The following DCDC1 variants were observed in gnomAD, a reference collection of about 807,000 sequenced individuals.
DCDC1 encodes doublecortin domain-containing protein 1.
Under a neutral mutation model 178.3 loss-of-function variants are expected in DCDC1, and 200 were observed. The ratio of observed to expected loss-of-function variants is 1.12; its 90% CI spans 1.00 to 1.26. DCDC1 has a LOEUF of 1.26. Among genes scored for constraint, DCDC1 ranks in the 50% most tolerant of loss-of-function variants. The probability of loss-of-function intolerance (pLI) is 0.00; values close to 1 mark genes in which losing one functional copy is unlikely to be tolerated. For missense variants in DCDC1, 1,983 were observed against 1,749.2 expected (o/e 1.13, Z -2.38); for synonymous variants, 690 against 604.8 (o/e 1.14, Z -2.07).
intron 2 of DCDC1, among the ~76,000 whole-genome samples, 169 bp downstream of exon 2, chr11:31,335,278 A>T (rs1012297530): frequency 2.0e-5 from 3 of 152,152 alleles, no homozygotes; most frequent in African/African-American, 7.2e-5. Context: ...TTTGGGCTGG[A>T]GCACCCTATT....
intron 20 of DCDC1, among the ~76,000 whole-genome samples, chr11:31,022,681 GT>G (rs1399908705): frequency 2.0e-5 from 3 of 148,548 alleles, no homozygotes; most frequent in African/African-American, 7.6e-5. Context: ...GTGTGTGTGT[GT>G]GTGTGGTATG....
At chr11:31,143,869 C>A (rs1964140539) in intron 9 of DCDC1, among the ~76,000 whole-genome samples, 1 of 152,128 alleles carries the variant, frequency 6.6e-6, no homozygotes, top group African/African-American at 2.4e-5. Flanking sequence ...TTAATGCAGC[C>A]CAAGCTTCCA....
intron 10 of DCDC1, among the ~76,000 whole-genome samples, chr11:31,128,804 T>C (rs1249883452): frequency 6.6e-6 from 1 of 152,164 alleles, no homozygotes; most frequent in East Asian, 1.9e-4. Flanking sequence ...AAGTGGCCAA[T>C]GTACTGGTAT....
At chr11:31,185,971 C>T (rs1432685371) in intron 9 of DCDC1, among the ~76,000 whole-genome samples, 1 of 152,248 alleles carries the variant, frequency 6.6e-6, no homozygotes, top group African/African-American at 2.4e-5. Context: ...CTAATATGCC[C>T]TTCATTTTCT....
intron 20 of DCDC1, among the ~76,000 whole-genome samples, chr11:30,954,988 A>G (rs537302531): frequency 6.6e-5 from 10 of 152,356 alleles, no homozygotes; most frequent in Admixed American, 5.2e-4. Flanking sequence ...AATTCAGACA[A>G]CATATTTGAG....
chr11:30,900,506 A>G lies in DCDC1; in HGVS notation c.4511-8T>C. The G allele has an allele frequency of 1.3e-6, 2 of 1,524,228 alleles. No homozygotes were observed. Among genetic ancestry groups the G allele is most frequent in the East Asian group, 2.4e-5 (1 of 42,180 alleles). 94.4% of individuals were successfully genotyped at this position (1,524,228 alleles called of 1,614,324 possible). The stretch of plus-strand genomic sequence containing the variant: ...CTTTCATTCTTGGATTTTCTGGTGG[A>G]AAAAATGACACATTTATCATTGTTC... On this transcript the variant is annotated splice_region_variant and splice_polypyrimidine_tract_variant and intron_variant, in intron 32 of 38. Coordinates refer to ENST00000684477, the MANE Select transcript of DCDC1 (RefSeq NM_001387274.1).
intron 18 of DCDC1, among the ~76,000 whole-genome samples, chr11:31,070,149 T>C (rs1956467803): frequency 6.6e-6 from 1 of 152,192 alleles, no homozygotes; most frequent in Non-Finnish European, 1.5e-5. Context: ...AATACTTTAA[T>C]ACCACAGTTA....
chr11:31,135,578 C>T (rs771257574), intron 10 of DCDC1, among the ~76,000 whole-genome samples: 4 of 152,120 alleles, frequency 2.6e-5, no homozygotes, highest in East Asian at 1.9e-4. Context: ...AGTAATCACA[C>T]AGAAATTATC....
At chr11:31,247,027 C>T (rs1462517103) in intron 8 of DCDC1, among the ~76,000 whole-genome samples, 1 of 151,996 alleles carries the variant, frequency 6.6e-6, no homozygotes, top group South Asian at 2.1e-4. Context: ...GTGGGGTCTA[C>T]AGTGTTATAA....
At chr11:30,989,640 A>G (rs2134904195) in intron 20 of DCDC1, among the ~76,000 whole-genome samples, 1 of 152,318 alleles carries the variant, frequency 6.6e-6, no homozygotes, top group East Asian at 1.9e-4. Context: ...TCTAAGATGG[A>G]GCACTACCAG....
chr11:31,006,064 T>G (rs1227966364), intron 20 of DCDC1, among the ~76,000 whole-genome samples: 1 of 151,228 alleles, frequency 6.6e-6, no homozygotes, highest in Non-Finnish European at 1.5e-5. Context: ...ACCCTACATC[T>G]ACAATCACTT....
At chr11:31,292,433 A>G (rs1947299809) in intron 6 of DCDC1, among the ~76,000 whole-genome samples, 1 of 152,208 alleles carries the variant, frequency 6.6e-6, no homozygotes, top group Non-Finnish European at 1.5e-5. Flanking sequence ...TCATTCAGCC[A>G]TAAAAAAGAA....
chr11:30,984,284 G>A (rs1318327482), intron 20 of DCDC1, among the ~76,000 whole-genome samples: 1 of 151,682 alleles, frequency 6.6e-6, no homozygotes, highest in Non-Finnish European at 1.5e-5. Flanking sequence ...TGTGTCACTG[G>A]GCCTCCTCTC....
At chr11:31,072,464 T>C (rs1484621845) in intron 18 of DCDC1, among the ~76,000 whole-genome samples, 1 of 152,156 alleles carries the variant, frequency 6.6e-6, no homozygotes, top group African/African-American at 2.4e-5. Context: ...CATTAGTTTT[T>C]CCCTGTATGG....
At chr11:30,971,143 T>C (rs1949754662) in intron 20 of DCDC1, among the ~76,000 whole-genome samples, 1 of 152,130 alleles carries the variant, frequency 6.6e-6, no homozygotes, top group South Asian at 2.1e-4. Context: ...CGTAAATACA[T>C]CTTCATGAAA....
Position 31,307,568 on chromosome 11 carries a change from C to T in DCDC1, c.434+71G>A, listed in dbSNP as rs1173466641. ...TAATGTCTGAGATAGTCAATTGAAACATTATAAACTCTGCTCAAAGGAAAG... is the reference window on the plus strand; with the variant it reads ...TAATGTCTGAGATAGTCAATTGAAATATTATAAACTCTGCTCAAAGGAAAG... On this transcript the variant is annotated intron_variant, in intron 4 of 38. Coordinates refer to ENST00000684477, the MANE Select transcript of DCDC1 (RefSeq NM_001387274.1). 10 of 1,553,778 alleles carry T rather than the reference C, an allele frequency of 6.4e-6. 1 individual carries two copies. The South Asian group carries it at 1.2e-4, about 19-fold the overall frequency.
At chr11:31,282,609 C>T (rs75427757) in intron 7 of DCDC1, among the ~76,000 whole-genome samples, 2,925 of 152,038 alleles carry the variant, frequency 0.019, 95 homozygotes, top group African/African-American at 0.067. Flanking sequence ...CTGGGAATGG[C>T]TCAATAAGCA....
At chr11:31,080,362 G>A (rs1162672328) in intron 17 of DCDC1, among the ~76,000 whole-genome samples, 3 of 152,136 alleles carry the variant, frequency 2.0e-5, no homozygotes, top group Non-Finnish European at 4.4e-5. Context: ...AACCCAGAAT[G>A]TCTGACTTAA....
intron 9 of DCDC1, among the ~76,000 whole-genome samples, chr11:31,218,043 C>T (rs1474931437): frequency 6.6e-6 from 1 of 151,852 alleles, no homozygotes; most frequent in Non-Finnish European, 1.5e-5. Flanking sequence ...AAAATATGTA[C>T]CCACTAAGTG....
Sources: gnomAD v4.1 joint callset for allele counts (sites outside exome capture counted in the v4.1 genomes callset) on GRCh38, gnomAD v4.1.1 for gene constraint, MANE v1.5 for transcripts, NCBI Gene and HGNC (gene_info 2026-07-23, HGNC 2026-07-21) for gene names.